Variants in SGPL1 observed in about 807,000 individuals in gnomAD.
SGPL1 encodes the protein SP-lyase 1.
Under a neutral mutation model 68.9 loss-of-function variants are expected in SGPL1, and 37 were observed. That is an observed-to-expected ratio of 0.54 (90% CI 0.41 to 0.71). SGPL1 has a LOEUF of 0.71. Among genes scored for constraint, SGPL1 ranks in the 30% least tolerant of loss-of-function variants. The pLI is 0.00. For synonymous variants in SGPL1, 236 were observed against 248.5 expected (o/e 0.95, Z 0.47); for missense variants, 551 against 704.6 (o/e 0.78, Z 2.47).
intron 2 of SGPL1, among the ~76,000 whole-genome samples, chr10:70,842,575 A>G (rs1228463188): frequency 1.3e-5 from 2 of 152,138 alleles, no homozygotes; most frequent in Non-Finnish European, 2.9e-5. Context: ...AAACTTGAGC[A>G]GGCACGTCAC....
chr10:70,880,041 C>T lies in SGPL1; in HGVS notation c.*2706C>T, dbSNP rs1373010680. On this transcript the variant is annotated 3_prime_UTR_variant, in exon 15 of 15. Transcript: ENST00000373202. Reference sequence around the variant, plus strand: ...TTCTCTAACCTCCCCCTTCCCATTTCAATGCTCCCTTCCTAATTTCAGCAA... The same window carrying T: ...TTCTCTAACCTCCCCCTTCCCATTTTAATGCTCCCTTCCTAATTTCAGCAA... The T allele has an allele frequency of 1.3e-5, 2 of 152,624 alleles. No individual in the cohort carries two copies. Among genetic ancestry groups the T allele is most frequent in the Non-Finnish European group, 2.9e-5 (2 of 68,028 alleles). The allele number at this position is 152,624 out of a possible 1,614,324, so 9.5% of individuals were successfully genotyped here.
chr10:70,852,249 T>C (rs181717813), intron 4 of SGPL1, among the ~76,000 whole-genome samples: 13 of 152,354 alleles, frequency 8.5e-5, no homozygotes, highest in Admixed American at 2.6e-4. Context: ...TGGCCAGTTA[T>C]CTTTAACCTT....
chr10:70,876,185 T>TC (rs1230552322), intron 13 of SGPL1, among the ~76,000 whole-genome samples: 1 of 152,140 alleles, frequency 6.6e-6, no homozygotes, highest in Non-Finnish European at 1.5e-5. Context: ...TGTGGCCCTG[T>TC]CCCCATGAGA....
At chr10:70,851,097 A>T (rs1412134923) in intron 3 of SGPL1, 46 bp from the exon 4 acceptor site, 1 of 1,469,686 alleles carries the variant, frequency 6.8e-7, no homozygotes, top group Non-Finnish European at 9.5e-7. Context: ...GCCAGGTCAT[A>T]TCCATGGAAA....
chr10:70,857,693 GAGTGTCC>G lies in SGPL1; in HGVS notation c.486+7_486+13del. On this transcript the variant is annotated splice_donor_5th_base_variant and intron_variant, in intron 6 of 14. Transcript: ENST00000373202. ...AGCTCACTGAGCTCCTTGTGAAGGT[GAGTGTCC>G]AGTTCTTGAGGGAAGCCTGTGAGGT... 2 of 1,606,212 alleles carry G rather than the reference GAGTGTCC, an allele frequency of 1.2e-6. No individual in the cohort carries two copies. Among genetic ancestry groups the G allele is most frequent in the Non-Finnish European group, 1.7e-6 (2 of 1,174,804 alleles).
chr10:70,826,198 C>T (rs907601864), intron 2 of SGPL1, among the ~76,000 whole-genome samples: 1 of 152,108 alleles, frequency 6.6e-6, no homozygotes, highest in Non-Finnish European at 1.5e-5. Context: ...AATTACAACA[C>T]AGTACAATAC....
rs765351111 is a variant in SGPL1, at chr10:70,816,826, A to T, written c.-28A>T. On this transcript the variant is annotated 5_prime_UTR_variant, in exon 2 of 15. Coordinates refer to ENST00000373202, the MANE Select transcript of SGPL1 (RefSeq NM_003901.4). ...CCTTTTACAGAGTCTGAAAAAGGGG[A>T]GCGCGGAGAGGAGGCTGGAAGAGGA... is the stretch of plus-strand genomic sequence containing the variant. 44 of 1,612,592 alleles carry T rather than the reference A, an allele frequency of 2.7e-5. No homozygotes were observed. Among genetic ancestry groups the T allele is most frequent in the Non-Finnish European group, 3.7e-5 (44 of 1,178,802 alleles).
chr10:70,826,664 T>G (rs2630335), intron 2 of SGPL1, among the ~76,000 whole-genome samples: 150,261 of 152,274 alleles, frequency 0.99, 74,171 homozygotes, highest in Middle Eastern at 1. Context: ...TTCCCCTCTA[T>G]GGATAACCCC....
At chr10:70,823,715 T>A (rs1589446948) in intron 2 of SGPL1, among the ~76,000 whole-genome samples, 1 of 149,756 alleles carries the variant, frequency 6.7e-6, no homozygotes, top group African/African-American at 2.4e-5. Flanking sequence ...ATATATCTTT[T>A]AAAAATTTTT....
At chr10:70,852,227 C>T (rs1242194102) in intron 4 of SGPL1, among the ~76,000 whole-genome samples, 1 of 152,160 alleles carries the variant, frequency 6.6e-6, no homozygotes. Flanking sequence ...TTGCCAACCC[C>T]TGACCTAAAG....
intron 2 of SGPL1, among the ~76,000 whole-genome samples, chr10:70,830,942 CA>C (rs560566220): frequency 4.6e-5 from 7 of 152,030 alleles, no homozygotes; most frequent in Non-Finnish European, 8.8e-5. Flanking sequence ...AGGAGAGGTC[CA>C]AAAAGCTGCT....
chr10:70,848,454 C>CTTTTTTTTTTTTTT (rs55860254), intron 3 of SGPL1, among the ~76,000 whole-genome samples: 1 of 70,678 alleles, frequency 1.4e-5, no homozygotes, highest in Non-Finnish European at 2.5e-5. Flanking sequence ...ACCTCACGTA[C>CTTTTTTTTTTTTTT]TTTTTTTTTT....
At chr10:70,818,932 C>T (rs191084620) in intron 2 of SGPL1, among the ~76,000 whole-genome samples, 1 of 152,240 alleles carries the variant, frequency 6.6e-6, no homozygotes, top group African/African-American at 2.4e-5. Context: ...TCGCCTCTAC[C>T]CCGTGCAGTA....
chr10:70,855,806 T>A (rs1246518209), intron 5 of SGPL1, among the ~76,000 whole-genome samples: 3 of 152,182 alleles, frequency 2.0e-5, no homozygotes, highest in African/African-American at 7.2e-5. Flanking sequence ...GATGTTAACA[T>A]CCTCTATAAC....
Position 70,859,474 on chromosome 10 carries a change from A to T in SGPL1, c.590A>T (p.Asn197Ile). The T allele has an allele frequency of 1.3e-6, 2 of 1,539,434 alleles. No individual in the cohort carries two copies. Among genetic ancestry groups the T allele is most frequent in the Non-Finnish European group, 1.8e-6 (2 of 1,141,290 alleles). The change falls in exon 7 of 15, where the codon AAT becomes ATT. Residue 197 changes from asparagine to isoleucine, a missense_variant. Coordinates refer to ENST00000373202, the MANE Select transcript of SGPL1 (RefSeq NM_003901.4). ...EIVRIACSLFNGGPDSCGCVT... is the reference protein window; with the variant it reads ...EIVRIACSLFIGGPDSCGCVT... ...GTGAGGATAGCTTGTTCCCTGTTCA[A>T]TGGGGGACCAGATTCGTGTGGATGT... is the stretch of plus-strand genomic sequence containing the variant.
intron 2 of SGPL1, among the ~76,000 whole-genome samples, chr10:70,818,509 AC>A (rs1308376561): frequency 7.2e-5 from 11 of 152,108 alleles, no homozygotes. Flanking sequence ...TCTTTATCTC[AC>A]TATCCCAGAG....
At chr10:70,849,226 C>T (rs190193518) in intron 3 of SGPL1, among the ~76,000 whole-genome samples, 2 of 152,298 alleles carry the variant, frequency 1.3e-5, no homozygotes, top group East Asian at 3.9e-4. Flanking sequence ...AATAAGGAAG[C>T]ATTTCTGAAT....
intron 4 of SGPL1, among the ~76,000 whole-genome samples, chr10:70,852,514 C>T (rs1422156835): frequency 6.6e-6 from 1 of 152,120 alleles, no homozygotes; most frequent in East Asian, 1.9e-4. Flanking sequence ...CCCTTATCTC[C>T]TGAATTTTTT....
At chr10:70,841,069 C>G (rs1845705024) in intron 2 of SGPL1, among the ~76,000 whole-genome samples, 1 of 152,178 alleles carries the variant, frequency 6.6e-6, no homozygotes, top group African/African-American at 2.4e-5. Flanking sequence ...AACTTTCACA[C>G]TAGACGAGTC....
Sources: allele counts gnomAD v4.1 joint callset (sites outside exome capture counted in the v4.1 genomes callset), GRCh38; gene constraint gnomAD v4.1.1; transcripts MANE v1.5; gene names NCBI Gene and HGNC (gene_info 2026-07-23, HGNC 2026-07-21).